The following MYO16 variants were observed in gnomAD, a reference collection of about 807,000 sequenced individuals.
The protein encoded by MYO16 is myosin XVI, also known as unconventional myosin-XVI.
MYO16 carries 94 observed loss-of-function variants against 205.3 expected under a neutral mutation model. The observed-to-expected ratio is 0.46, with a 90% CI of 0.39 to 0.54. MYO16 has a LOEUF of 0.54. MYO16 is among the 20% of genes least tolerant of loss of function. The pLI, the probability that MYO16 is intolerant of heterozygous loss-of-function variation, is 0.00. For synonymous variants in MYO16, 988 were observed against 954.0 expected, an observed-to-expected ratio of 1.04 and a Z score of -0.66; for missense variants, 2,315 against 2,387.5, an observed-to-expected ratio of 0.97 and a Z score of 0.63.
At chr13:109,101,460 A>T (rs777836740) in intron 28 of MYO16, 1 of 152,352 alleles carries the variant, frequency 6.6e-6, no homozygotes, top group South Asian at 2.1e-4. Flanking sequence ...TTTGAATGGT[A>T]GACCCTAGGG....
intron 22 of MYO16, among the ~76,000 whole-genome samples, chr13:109,017,895 G>A (rs76441786): frequency 6.6e-6 from 1 of 152,082 alleles, no homozygotes; most frequent in Non-Finnish European, 1.5e-5. Flanking sequence ...TAGCTTCTTT[G>A]TGATGGGTTT....
chr13:108,634,889 T>C (rs1170916190), intron 1 of MYO16, among the ~76,000 whole-genome samples: 1 of 152,184 alleles, frequency 6.6e-6, no homozygotes, highest in African/African-American at 2.4e-5. Flanking sequence ...TTCCCACATA[T>C]GAACCTTTAG....
the MYO16 span, among the ~76,000 whole-genome samples, chr13:108,542,761 C>A: frequency 6.6e-6 from 1 of 151,964 alleles, no homozygotes; most frequent in Non-Finnish European, 1.5e-5. Context: ...TCTTGAGAAA[C>A]AGAGTTTTCT....
At chr13:109,043,395 G>A (rs766438937) in intron 23 of MYO16, among the ~76,000 whole-genome samples, 5 of 152,048 alleles carry the variant, frequency 3.3e-5, no homozygotes, top group Admixed American at 6.6e-5. Context: ...CCAGTTGTGC[G>A]TGTGTGTGCA....
the MYO16 span, among the ~76,000 whole-genome samples, chr13:108,588,137 A>T: frequency 6.6e-6 from 1 of 152,148 alleles, no homozygotes; most frequent in South Asian, 2.1e-4. Flanking sequence ...ATATTCAGTT[A>T]ATGTTGTAGA....
intron 23 of MYO16, among the ~76,000 whole-genome samples, chr13:109,023,297 GATATA>G: frequency 1.4e-5 from 1 of 73,400 alleles, no homozygotes; most frequent in Admixed American, 2.2e-4. Context: ...ATATTATACA[GATATA>G]AATATATATA....
At chr13:109,007,126 T>C (rs747521097) in intron 21 of MYO16, among the ~76,000 whole-genome samples, 10 of 152,240 alleles carry the variant, frequency 6.6e-5, no homozygotes, top group East Asian at 3.9e-4. Context: ...CGGTGGCTCA[T>C]GCCTGTAATC....
At chr13:108,659,227 A>C (rs1383906905) in intron 1 of MYO16, 2 of 156,994 alleles carry the variant, frequency 1.3e-5, no homozygotes, top group Admixed American at 6.8e-5. Flanking sequence ...TATATATATG[A>C]TATATATATG....
At chr13:108,996,939 G>T (rs991015388) in intron 21 of MYO16, among the ~76,000 whole-genome samples, 8 of 152,006 alleles carry the variant, frequency 5.3e-5, no homozygotes, top group Admixed American at 4.6e-4. Context: ...ACACATACAT[G>T]CAAAGGCATG....
intron 6 of MYO16, among the ~76,000 whole-genome samples, chr13:108,796,480 T>C (rs1347754536): frequency 6.6e-6 from 1 of 152,156 alleles, no homozygotes; most frequent in Non-Finnish European, 1.5e-5. Context: ...ATGTTTATTG[T>C]GGCACTATTC....
intron 13 of MYO16, among the ~76,000 whole-genome samples, chr13:108,886,725 C>T (rs1879914208): frequency 6.6e-6 from 1 of 151,796 alleles, no homozygotes. Context: ...TGCAAGTTCC[C>T]TTATCGGCAC....
chr13:108,888,562 A>G, intron 14 of MYO16, 85 bp downstream of exon 14: 1 of 906,132 alleles, frequency 1.1e-6, no homozygotes, highest in South Asian at 1.8e-5. Flanking sequence ...GGACATCATA[A>G]TAGATACAAG....
chr13:108,507,535 C>T, the MYO16 span, among the ~76,000 whole-genome samples: 1 of 152,032 alleles, frequency 6.6e-6, no homozygotes, highest in African/African-American at 2.4e-5. Context: ...CATTTTCTTT[C>T]TGCTTTCAAG....
chr13:109,137,816 G>C (rs1290632115), intron 31 of MYO16, among the ~76,000 whole-genome samples: 2 of 152,150 alleles, frequency 1.3e-5, no homozygotes, highest in Non-Finnish European at 2.9e-5. Flanking sequence ...CTAAGGCTCA[G>C]AGAGCTTTGC....
rs1392809272 is a variant in MYO16, at chr13:108,709,574, T to C, written c.293-3087T>C. Among the ~76,000 whole-genome samples the C allele has an allele frequency of 1.5e-5, 2 of 135,110 alleles. 1 individual carries two copies. Among genetic ancestry groups the C allele is most frequent in the Middle Eastern group, 8.1e-3 (2 of 248 alleles). 88.6% of individuals were successfully genotyped at this position (135,110 alleles called of 152,430 possible). On this transcript the variant is annotated intron_variant, in intron 2 of 34. Transcript: ENST00000457511. ...AGGGAATTAAAGTAATTCTTACACGTAAGGTACTCAGTACAGGGTTATACC... is the reference window on the plus strand; with the variant it reads ...AGGGAATTAAAGTAATTCTTACACGCAAGGTACTCAGTACAGGGTTATACC...
intron 27 of MYO16, among the ~76,000 whole-genome samples, chr13:109,071,300 G>A (rs1887919123): frequency 1.3e-5 from 2 of 151,952 alleles, no homozygotes; most frequent in African/African-American, 2.4e-5. Flanking sequence ...GTCAAAACTT[G>A]GATAACTTTA....
intron 16 of MYO16, among the ~76,000 whole-genome samples, chr13:108,947,845 A>C (rs898192935): frequency 2.6e-5 from 4 of 152,272 alleles, no homozygotes; most frequent in Non-Finnish European, 5.9e-5. Flanking sequence ...TGGGAATGTC[A>C]CAAGACCCGA....
intron 1 of MYO16, among the ~76,000 whole-genome samples, chr13:108,617,950 C>T (rs953370065): frequency 2.6e-5 from 4 of 152,092 alleles, no homozygotes; most frequent in Non-Finnish European, 4.4e-5. Flanking sequence ...GGCAGATGGC[C>T]TCACCAAACA....
Position 109,055,516 on chromosome 13 carries a change from T to C in MYO16, c.3256T>C (p.Tyr1086His), listed in dbSNP as rs763155900. Residue 1086 changes from tyrosine to histidine, a missense_variant, in exon 27 of 35, where the codon TAT (tyrosine) becomes CAT (histidine). Around this residue, in one of 3 missense-constraint regions of MYO16, gnomAD observed 1,097 missense variants for 1,092.0 expected, o/e 1.00. Transcript: ENST00000457511. This position sits in a 1 kb window ranked among gnomAD's most constrained non-coding sequence, Gnocchi z 5.0. ...TTTTTACGTGTCTGCTCAGCTACAA[T>C]ATATTGGGGTCCTGGAGATGGTGAA... ...DNFYVSAQLQ[Y>H]IGVLEMVKIF... is the part of the protein sequence containing the mutation. The C allele has an allele frequency of 6.2e-7, 1 of 1,613,218 alleles. No homozygotes were observed. The highest frequency in any genetic ancestry group is 8.5e-7 in the Non-Finnish European group (1 of 1,179,428).
Sources: gnomAD v4.1 joint callset for allele counts (sites outside exome capture counted in the v4.1 genomes callset) on GRCh38, gnomAD v4.1.1 for gene constraint, gnomAD v4.1.1 regional missense constraint, Gnocchi (gnomAD v3.1) non-coding constraint, MANE v1.5 for transcripts, NCBI Gene and HGNC (gene_info 2026-07-23, HGNC 2026-07-21) for gene names.